Variants in DNAH7 observed in about 807,000 individuals in gnomAD.
The protein encoded by DNAH7 is dynein axonemal heavy chain 7.
A neutral mutation model predicts 444.6 loss-of-function variants in DNAH7; 397 were observed. That is an observed-to-expected ratio of 0.89 (90% CI 0.82 to 0.97). DNAH7 has a LOEUF of 0.97. Among genes scored for constraint, DNAH7 ranks in the 50% least tolerant of loss-of-function variants. DNAH7 has a pLI of 0.00. For missense variants in DNAH7, 4,902 were observed against 4,800.8 expected (o/e 1.02, Z -0.62); for synonymous variants, 1,636 against 1,624.4 (o/e 1.01, Z -0.17).
In DNAH7 at chr2:195,891,757, CTT is replaced by C; in HGVS notation, c.4942_4943del (p.Lys1648ValfsTer12). Reference protein sequence around the residue: ...NKVQITVLNPKSVTMGQLYGQ... With the variant: ...NKVQITVLNPXSVTMGQLYGQ... ...CGTACAGTTGGCCCATGGTGACAGA[CTT>C]AGGATTTAAAACAGTTATTTGAACT... On this transcript the variant is annotated frameshift_variant, in exon 31 of 65. Transcript: ENST00000312428. LOFTEE classifies it high-confidence loss of function. The C allele has an allele frequency of 6.2e-7, 1 of 1,607,290 alleles. No homozygotes were observed. Among genetic ancestry groups the C allele is most frequent in the East Asian group, 2.2e-5 (1 of 44,672 alleles).
At chr2:196,045,678 G>GA (rs987684748) in intron 5 of DNAH7, among the ~76,000 whole-genome samples, 1 of 151,786 alleles carries the variant, frequency 6.6e-6, no homozygotes, top group African/African-American at 2.4e-5. Flanking sequence ...AAGGAAGATA[G>GA]AAAAAAATGA....
At chr2:196,064,557 C>T (rs114474141) in intron 1 of DNAH7, among the ~76,000 whole-genome samples, 222 of 152,100 alleles carry the variant, frequency 1.5e-3, no homozygotes, top group African/African-American at 5.2e-3. Context: ...ATCTTCAACC[C>T]AACTCTTTGC....
chr2:195,800,781 A>G (rs962501438), intron 54 of DNAH7, among the ~76,000 whole-genome samples: 1 of 152,228 alleles, frequency 6.6e-6, no homozygotes, highest in African/African-American at 2.4e-5. Context: ...AAAAAAATCA[A>G]TTGATACCTA....
intron 23 of DNAH7, 93 bp downstream of exon 23, chr2:195,923,502 A>T: frequency 1.7e-6 from 2 of 1,189,298 alleles, no homozygotes; most frequent in Non-Finnish European, 2.4e-6. Context: ...ATCTCAGATT[A>T]CTGCTACTAT....
chr2:195,754,482 G>C lies in DNAH7; in HGVS notation c.11619C>G (p.Phe3873Leu). The stretch of plus-strand genomic sequence containing the variant: ...GTGTGAAGAAGAAGCCAGAAAGCCA[G>C]AAGACTGGAGGAGGACCAACCTCAT... ...QWYEVGPPPV[F>L]WLSGFFFTQA... The change falls in exon 63 of 65, where the codon TTC becomes TTG. Residue 3873 changes from phenylalanine to leucine, a missense_variant. By Grantham distance (22) the Phe-to-Leu change is conservative. Coordinates refer to ENST00000312428, the MANE Select transcript of DNAH7 (RefSeq NM_018897.3). The C allele has an allele frequency of 8.1e-6, 13 of 1,614,078 alleles. No homozygotes were observed. Among genetic ancestry groups the C allele is most frequent in the Non-Finnish European group, 1.0e-5 (12 of 1,179,958 alleles).
intron 63 of DNAH7, among the ~76,000 whole-genome samples, chr2:195,745,829 C>G (rs1011730535): frequency 4.6e-5 from 7 of 152,112 alleles, no homozygotes; most frequent in Non-Finnish European, 8.8e-5. Context: ...CAGGCCTGCC[C>G]TAAAAGAGCT....
intron 51 of DNAH7, among the ~76,000 whole-genome samples, chr2:195,812,238 A>C (rs1360769909): frequency 6.6e-6 from 1 of 151,986 alleles, no homozygotes; most frequent in African/African-American, 2.4e-5. Flanking sequence ...CTAGCCTCCG[A>C]ATTTTCAGGA....
intron 9 of DNAH7, 127 bp downstream of exon 9, chr2:196,019,043 T>G (rs1318806943): frequency 7.3e-5 from 77 of 1,053,282 alleles, no homozygotes; most frequent in South Asian, 4.8e-4. Flanking sequence ...TAAAACCATG[T>G]TTGAATACTT....
chr2:195,967,651 A>C (rs1440530325), intron 17 of DNAH7, among the ~76,000 whole-genome samples: 2 of 152,140 alleles, frequency 1.3e-5, no homozygotes, highest in Non-Finnish European at 2.9e-5. Context: ...TTCTTTCAGC[A>C]CTTTAAATAT....
intron 2 of DNAH7, among the ~76,000 whole-genome samples, chr2:196,055,669 A>AT (rs1697756417): frequency 6.6e-6 from 1 of 152,240 alleles, no homozygotes; most frequent in South Asian, 2.1e-4. Context: ...CCTGAGAAGA[A>AT]TGCAGTTATA....
At chr2:195,866,366 G>A (rs1448213577) in intron 40 of DNAH7, among the ~76,000 whole-genome samples, 1 of 151,160 alleles carries the variant, frequency 6.6e-6, no homozygotes, top group East Asian at 1.9e-4. Context: ...CACTAATAGT[G>A]TCTGCATAAG....
At chr2:196,058,324 G>C (rs1244939470) in intron 1 of DNAH7, among the ~76,000 whole-genome samples, 1 of 152,044 alleles carries the variant, frequency 6.6e-6, no homozygotes, top group Non-Finnish European at 1.5e-5. Context: ...CTTGTATCCA[G>C]GTAGGTTGCA....
chr2:195,901,692 T>G (rs949391000), intron 27 of DNAH7: 10 of 152,158 alleles, frequency 6.6e-5, no homozygotes, highest in Non-Finnish European at 1.2e-4. Flanking sequence ...ATGTTAGTGT[T>G]AGACAAATTA....
At chr2:195,964,999 T>C (rs560111312) in intron 17 of DNAH7, among the ~76,000 whole-genome samples, 2 of 152,350 alleles carry the variant, frequency 1.3e-5, no homozygotes, top group Non-Finnish European at 2.9e-5. Flanking sequence ...TCCAGCACTA[T>C]GTTGACTCAC....
Position 195,775,905 on chromosome 2 carries a change from C to T in DNAH7, c.11143G>A (p.Asp3715Asn), listed in dbSNP as rs201126732. The T allele has an allele frequency of 6.2e-7, 1 of 1,614,176 alleles. No individual in the cohort carries two copies. The highest frequency in any genetic ancestry group is 8.5e-7 in the Non-Finnish European group (1 of 1,180,018). ...GTTTCTGACTGATCCTTAGTGATAT[C>T]TGCATTGGCATTCATCCCAAAGATT... ...PEIFGMNANADITKDQSETQL... is the reference protein window; with the variant it reads ...PEIFGMNANANITKDQSETQL... The change falls in exon 60 of 65, where the codon GAT becomes AAT. Residue 3715 changes from aspartate to asparagine, a missense_variant. Asp to Asn is a conservative substitution (Grantham distance 23). Coordinates refer to ENST00000312428, the MANE Select transcript of DNAH7 (RefSeq NM_018897.3).
At chr2:195,750,626 G>A (rs947392836) in intron 63 of DNAH7, among the ~76,000 whole-genome samples, 3 of 152,192 alleles carry the variant, frequency 2.0e-5, no homozygotes, top group African/African-American at 7.2e-5. Context: ...AGATGGCCTG[G>A]GTCTGAATCT....
At chr2:195,953,231 C>T (rs890262889) in intron 19 of DNAH7, among the ~76,000 whole-genome samples, 4 of 152,152 alleles carry the variant, frequency 2.6e-5, no homozygotes, top group Admixed American at 2.6e-4. Flanking sequence ...AGGTCCACTC[C>T]AGACCCTGTT....
intron 20 of DNAH7, among the ~76,000 whole-genome samples, chr2:195,935,953 G>A (rs541603089): frequency 9.9e-5 from 15 of 152,252 alleles, no homozygotes; most frequent in Non-Finnish European, 1.3e-4. Context: ...AGTAGGAGAT[G>A]AATAGGAAGG....
At chr2:195,890,709 T>C (rs1701963296) in intron 31 of DNAH7, among the ~76,000 whole-genome samples, 1 of 152,156 alleles carries the variant, frequency 6.6e-6, no homozygotes, top group African/African-American at 2.4e-5. Flanking sequence ...TTGGGCAAGA[T>C]CTCTGCCCCA....
Sources: gnomAD v4.1 joint callset for allele counts (sites outside exome capture counted in the v4.1 genomes callset) on GRCh38, gnomAD v4.1.1 for gene constraint, MANE v1.5 for transcripts, NCBI Gene and HGNC (gene_info 2026-07-23, HGNC 2026-07-21) for gene names.